The following DEPTOR variants were observed in gnomAD, a reference collection of about 807,000 sequenced individuals.
DEPTOR encodes DEP domain containing MTOR interacting protein.
A neutral mutation model predicts 41.6 loss-of-function variants in DEPTOR; 41 were observed. The observed-to-expected ratio is 0.98, with a 90% CI of 0.77 to 1.28. DEPTOR has a LOEUF of 1.28. Among genes scored for constraint, DEPTOR ranks in the 50% most tolerant of loss-of-function variants. The pLI, the probability that DEPTOR is intolerant of heterozygous loss-of-function variation, is 0.00. For synonymous variants in DEPTOR, 195 were observed against 192.3 expected (o/e 1.01, Z -0.12); for missense variants, 514 against 527.9 (o/e 0.97, Z 0.26).
intron 1 of DEPTOR, among the ~76,000 whole-genome samples, chr8:119,896,413 G>A (rs1827520482): frequency 6.6e-6 from 1 of 152,210 alleles, no homozygotes; most frequent in African/African-American, 2.4e-5. Context: ...CTGTTGGAGT[G>A]TGGCGGTCAG....
intron 4 of DEPTOR, among the ~76,000 whole-genome samples, chr8:119,971,788 G>A (rs1828637148): frequency 6.6e-6 from 1 of 152,144 alleles, no homozygotes; most frequent in Non-Finnish European, 1.5e-5. Flanking sequence ...TAATACCCAT[G>A]TTGAGGTGCA....
chr8:119,989,587 C>G (rs185514598), intron 4 of DEPTOR, among the ~76,000 whole-genome samples: 1 of 152,108 alleles, frequency 6.6e-6, no homozygotes, highest in Middle Eastern at 3.2e-3. Context: ...TATCTGTAAA[C>G]TGGGAATCAT....
In DEPTOR at chr8:119,985,822, T is replaced by C. The variant is rs1279152193; in HGVS notation, c.605-15703T>C. Among the ~76,000 whole-genome samples, 8 of 131,200 alleles carry C rather than the reference T, an allele frequency of 6.1e-5. No individual in the cohort carries two copies. The East Asian group carries it at 1.9e-3, about 30-fold the overall frequency. 86.1% of individuals were successfully genotyped at this position (131,200 alleles called of 152,430 possible). On this transcript the variant is annotated intron_variant, in intron 4 of 8. Transcript: ENST00000286234. ...TATCAGAGACTAGGATTGCAACCCCTGCTCTTTTTTTTTTTTTTTTTTTTT... is the reference window on the plus strand; with the variant it reads ...TATCAGAGACTAGGATTGCAACCCCCGCTCTTTTTTTTTTTTTTTTTTTTT...
At chr8:119,915,945 TAAAAAAAAAAA>T (rs201870960) in intron 1 of DEPTOR, among the ~76,000 whole-genome samples, 14,557 of 126,754 alleles carry the variant, frequency 0.11, 886 homozygotes, top group South Asian at 0.27. Context: ...CTTCATTTGT[TAAAAAAAAAAA>T]AAAAAAAAAA....
At chr8:120,006,714 G>A in intron 6 of DEPTOR, 91 bp from the exon 7 acceptor site, 1 of 1,120,946 alleles carries the variant, frequency 8.9e-7, no homozygotes, top group Non-Finnish European at 1.3e-6. Flanking sequence ...TCTCACTGAT[G>A]GTCACCTACG....
intron 8 of DEPTOR, among the ~76,000 whole-genome samples, chr8:120,012,697 C>T (rs1263357422): frequency 1.3e-5 from 2 of 151,994 alleles, no homozygotes; most frequent in African/African-American, 4.8e-5. Context: ...CCACCATGCC[C>T]AGCTAATTTT....
At chr8:119,909,162 T>C (rs188230404) in intron 1 of DEPTOR, among the ~76,000 whole-genome samples, 1 of 152,322 alleles carries the variant, frequency 6.6e-6, no homozygotes, top group East Asian at 1.9e-4. Flanking sequence ...GAAAAGACTT[T>C]CAAAGGCTCT....
chr8:120,043,572 G>C (rs555780048), intron 8 of DEPTOR, among the ~76,000 whole-genome samples: 2 of 152,290 alleles, frequency 1.3e-5, no homozygotes, highest in South Asian at 4.1e-4. Context: ...GCATGCCTGA[G>C]AACTTGCATA....
At chr8:119,921,752 T>TTTG (rs1827897457) in intron 1 of DEPTOR, among the ~76,000 whole-genome samples, 1 of 146,120 alleles carries the variant, frequency 6.8e-6, no homozygotes, top group South Asian at 2.2e-4. Context: ...TCTGTAGTTT[T>TTTG]TTTTTTTGTT....
intron 1 of DEPTOR, among the ~76,000 whole-genome samples, chr8:119,921,627 A>C (rs1827894988): frequency 6.6e-6 from 1 of 152,144 alleles, no homozygotes; most frequent in Non-Finnish European, 1.5e-5. Flanking sequence ...CAGTAGGAAT[A>C]GTGTGTAGTG....
chr8:119,952,795 G>A (rs1434258019), intron 3 of DEPTOR, among the ~76,000 whole-genome samples: 1 of 152,184 alleles, frequency 6.6e-6, no homozygotes, highest in Non-Finnish European at 1.5e-5. Context: ...AGAAGTGAGG[G>A]AACACCATGA....
rs140239089 is a variant in DEPTOR, at chr8:120,041,777, A to T, written c.1102-7799A>T. Among the ~76,000 whole-genome samples the T allele has an allele frequency of 4.0e-3, 610 of 152,166 alleles. 7 individuals carry two copies. Among genetic ancestry groups the T allele is most frequent in the African/African-American group, 0.013 (559 of 41,518 alleles). On this transcript the variant is annotated intron_variant, in intron 8 of 8. Transcript: ENST00000286234. ...GGTCTTGAACTCATGATCTCAGGTG[A>T]TCCACCCACCTCGCCTCCCAAAGTG...
intron 8 of DEPTOR, among the ~76,000 whole-genome samples, chr8:120,032,305 G>A (rs1369726796): frequency 3.5e-5 from 5 of 144,534 alleles, no homozygotes; most frequent in East Asian, 2.1e-4. Flanking sequence ...TGCAACCTCC[G>A]CCTCCTAGGT....
rs79501522 is a variant in DEPTOR at position 119,882,825 on chromosome 8, G to A, written c.122+8857G>A. 3.3e-3 allele frequency among the ~76,000 whole-genome samples: 496 copies of A among 152,182 alleles called. 2 individuals are homozygous for A. The highest frequency in any genetic ancestry group is 6.1e-3 in the Non-Finnish European group (414 of 68,012). On this transcript the variant is annotated intron_variant, in intron 1 of 8. Coordinates refer to ENST00000286234, the MANE Select transcript of DEPTOR (RefSeq NM_022783.4). The stretch of plus-strand genomic sequence containing the variant: ...GGAAATGACAAAGGAAAGAACAATC[G>A]GTCCTACTTTCTACACGGTAATTAT...
intron 3 of DEPTOR, among the ~76,000 whole-genome samples, chr8:119,963,944 C>T (rs1400739196): frequency 6.6e-6 from 1 of 152,112 alleles, no homozygotes; most frequent in African/African-American, 2.4e-5. Flanking sequence ...TTGGGAGGTC[C>T]AAGATCAAGG....
chr8:119,903,970 G>A (rs1347459902), intron 1 of DEPTOR, among the ~76,000 whole-genome samples: 1 of 152,022 alleles, frequency 6.6e-6, no homozygotes, highest in Non-Finnish European at 1.5e-5. Context: ...TGTTATTCCT[G>A]ACTCTGGGGG....
chr8:119,954,616 T>G (rs566542977), intron 3 of DEPTOR, among the ~76,000 whole-genome samples: 103 of 152,264 alleles, frequency 6.8e-4, no homozygotes, highest in African/African-American at 2.2e-3. Flanking sequence ...ACACAGGGCC[T>G]CCTCAGCTCT....
rs200924265 is a variant in DEPTOR at position 119,928,736 on chromosome 8, GTTCT to G, written c.301+165_301+168del. On this transcript the variant is annotated intron_variant, in intron 2 of 8. Coordinates refer to ENST00000286234, the MANE Select transcript of DEPTOR (RefSeq NM_022783.4). ...CTTCCTGCCTCTAAGAGGCATTTGG[GTTCT>G]TTCTTTTTTTTTTTTTTTTTTTGTA... Among the ~76,000 whole-genome samples the G allele has an allele frequency of 4.7e-3, 683 of 143,960 alleles. 14 individuals are homozygous for G. The highest frequency in any genetic ancestry group is 0.037 in the Admixed American group (525 of 14,282). The allele number at this position is 143,960 out of a possible 152,430, so 94.4% of individuals were successfully genotyped here. A position where few individuals can be genotyped will look rare whatever the true frequency, so the allele number is the denominator to read the frequency against.
chr8:119,935,350 G>A (rs1217296097), intron 3 of DEPTOR, among the ~76,000 whole-genome samples: 6 of 152,110 alleles, frequency 3.9e-5, no homozygotes, highest in Admixed American at 6.6e-5. Flanking sequence ...ATCTCTATCC[G>A]CGGCCTTAAG....
Sources: allele counts gnomAD v4.1 joint callset (sites outside exome capture counted in the v4.1 genomes callset), GRCh38; gene constraint gnomAD v4.1.1; transcripts MANE v1.5; gene names NCBI Gene and HGNC (gene_info 2026-07-23, HGNC 2026-07-21).